NCLN: variants seen among roughly 807,000 people sequenced by gnomAD.
The protein encoded by NCLN is BOS complex subunit NCLN.
Under a neutral mutation model 69.5 loss-of-function variants are expected in NCLN, and 34 were observed. The observed-to-expected ratio is 0.49, with a 90% CI of 0.37 to 0.65. The LOEUF is 0.65. Ranked by LOEUF, NCLN falls within the 30% of genes least tolerant of loss-of-function variation. The pLI is 0.00. For missense variants in NCLN, 710 were observed against 804.8 expected (o/e 0.88, Z 1.42); for synonymous variants, 393 against 358.3 (o/e 1.10, Z -1.09).
Position 3,186,035 on chromosome 19 carries a change from TG to T in NCLN, c.7del (p.Glu3ArgfsTer11). On this transcript the variant is annotated frameshift_variant, in exon 1 of 15. Transcript: ENST00000246117. LOFTEE classifies it high-confidence loss of function. ...GCGGCCCCGCCGCCGGCCAGGATGC[TG>T]GAGGAAGCGGGCGAGGTGCTGGAGA... MLEEAGEVLENM... is the reference protein window; with the variant it reads MXEEAGEVLENM... The T allele has an allele frequency of 6.4e-7, 1 of 1,572,260 alleles. No individual in the cohort carries two copies.
intron 9 of NCLN, among the ~76,000 whole-genome samples, chr19:3,204,985 AC>A (rs1916228800): frequency 6.6e-6 from 1 of 151,918 alleles, no homozygotes; most frequent in Non-Finnish European, 1.5e-5. Flanking sequence ...CCCATATAGG[AC>A]CCCCAGACCC....
intron 8 of NCLN, 106 bp downstream of exon 8, chr19:3,204,250 CT>C: frequency 1.5e-6 from 2 of 1,305,174 alleles, no homozygotes; most frequent in Non-Finnish European, 2.0e-6. Context: ...GCCCCTCAGG[CT>C]CTGAGGGCCA....
At chr19:3,199,740 C>A in intron 5 of NCLN, among the ~76,000 whole-genome samples, 1 of 132,236 alleles carries the variant, frequency 7.6e-6, no homozygotes, top group Non-Finnish European at 1.5e-5. Flanking sequence ...TTGCTCTGTC[C>A]CCCAGGCTGG....
intron 3 of NCLN, among the ~76,000 whole-genome samples, chr19:3,194,404 TAC>T (rs1422947938): frequency 6.6e-6 from 1 of 152,122 alleles, no homozygotes; most frequent in African/African-American, 2.4e-5. Flanking sequence ...AGTTTCATCC[TAC>T]ACAGCCAGAT....
chr19:3,188,569 T>G (rs1241056740), intron 1 of NCLN, among the ~76,000 whole-genome samples: 1 of 152,186 alleles, frequency 6.6e-6, no homozygotes, highest in Non-Finnish European at 1.5e-5. Flanking sequence ...TTTCTCTCTT[T>G]CCTCGCTTCT....
chr19:3,191,874 C>T (rs182531765), intron 1 of NCLN, among the ~76,000 whole-genome samples: 2 of 152,196 alleles, frequency 1.3e-5, no homozygotes, highest in East Asian at 3.9e-4. Context: ...TGGGTTTCTC[C>T]CAGGAGAAGG....
At chr19:3,199,803 C>T (rs1380506826) in intron 5 of NCLN, among the ~76,000 whole-genome samples, 3 of 145,768 alleles carry the variant, frequency 2.1e-5, no homozygotes, top group East Asian at 2.1e-4. Flanking sequence ...TGGGTTTAAG[C>T]GATTCTCCTG....
chr19:3,206,373 C>T lies in NCLN; in HGVS notation c.1447C>T (p.Leu483=), dbSNP rs35482896. The stretch of plus-strand genomic sequence containing the variant: ...CTTCCTCAGCACGCTGGAGCACCAC[C>T]TGAGCCGCTACCTGAAGGACGTGAA... ...STFLSTLEHH[L]SRYLKDVKQH... Residue 483 remains leucine, a synonymous_variant, in exon 12 of 15, where the codon CTG becomes TTG. Coordinates refer to ENST00000246117, the MANE Select transcript of NCLN (RefSeq NM_020170.4). 1.3e-6 allele frequency: 2 copies of T among 1,548,302 alleles called. No individual in the cohort carries two copies. The highest frequency in any genetic ancestry group is 4.9e-5 in the East Asian group (2 of 40,926).
At chr19:3,196,806 A>C (rs1459804696) in intron 4 of NCLN, among the ~76,000 whole-genome samples, 2 of 152,238 alleles carry the variant, frequency 1.3e-5, no homozygotes, top group Non-Finnish European at 2.9e-5. Flanking sequence ...CTGCTGCAGC[A>C]CTGGCAGGGG....
At chr19:3,190,394 C>T (rs1915787935) in intron 1 of NCLN, among the ~76,000 whole-genome samples, 1 of 152,192 alleles carries the variant, frequency 6.6e-6, no homozygotes, top group South Asian at 2.1e-4. Flanking sequence ...CCCGCCCATT[C>T]CCACCTGAGA....
intron 3 of NCLN, 132 bp from the exon 4 acceptor site, chr19:3,196,051 C>A: frequency 1.9e-6 from 1 of 532,124 alleles, no homozygotes; most frequent in Non-Finnish European, 3.4e-6. Context: ...GTATCGAAAT[C>A]TGCTGGTCAC....
Position 3,207,613 on chromosome 19 carries a change from C to T in NCLN, c.1633-16C>T, listed in dbSNP as rs114097471. On this transcript the variant is annotated splice_polypyrimidine_tract_variant and intron_variant, in intron 14 of 14. Coordinates refer to ENST00000246117, the MANE Select transcript of NCLN (RefSeq NM_020170.4). ...GGCCCCGCCCACATCCTCACTCCCTCCTGCTGTGTCCCCAGCACTTCAGCC... is the reference window on the plus strand; with the variant it reads ...GGCCCCGCCCACATCCTCACTCCCTTCTGCTGTGTCCCCAGCACTTCAGCC... The T allele has an allele frequency of 1.9e-6, 3 of 1,612,710 alleles. No homozygotes were observed. In the African/African-American group the frequency reaches 4.0e-5, roughly 21 times the overall value.
At chr19:3,204,773 C>T (rs760537885) in intron 9 of NCLN, 22 bp downstream of exon 9, 22 of 1,444,236 alleles carry the variant, frequency 1.5e-5, no homozygotes, top group Middle Eastern at 4.5e-4. Flanking sequence ...AGCACCTGCC[C>T]GGCCCCTCCT....
intron 3 of NCLN, among the ~76,000 whole-genome samples, chr19:3,195,841 G>A (rs912801808): frequency 2.0e-5 from 3 of 152,142 alleles, no homozygotes; most frequent in Admixed American, 1.3e-4. Flanking sequence ...ACAGAAGTGC[G>A]GACTCAAAGT....
intron 1 of NCLN, among the ~76,000 whole-genome samples, chr19:3,190,973 G>T (rs1915806518): frequency 6.6e-6 from 1 of 152,266 alleles, no homozygotes; most frequent in South Asian, 2.1e-4. Flanking sequence ...GCTCTCCAGG[G>T]TCTTTCCAGG....
chr19:3,202,794 C>G (rs916174027), intron 6 of NCLN, among the ~76,000 whole-genome samples: 2 of 152,080 alleles, frequency 1.3e-5, no homozygotes, highest in Non-Finnish European at 2.9e-5. Context: ...CCCAGCCCCC[C>G]ACTGATGCCT....
intron 3 of NCLN, among the ~76,000 whole-genome samples, 195 bp from the exon 4 acceptor site, chr19:3,195,988 A>G (rs1232217428): frequency 1.3e-5 from 2 of 152,082 alleles, no homozygotes; most frequent in African/African-American, 2.4e-5. Flanking sequence ...CAGAAAGGAG[A>G]TGTGAATAAT....
At chr19:3,195,182 G>GAA (rs57369430) in intron 3 of NCLN, among the ~76,000 whole-genome samples, 3 of 143,862 alleles carry the variant, frequency 2.1e-5, no homozygotes, top group African/African-American at 2.6e-5. Context: ...ACTCCGACTT[G>GAA]AAAAAAAAAA....
intron 6 of NCLN, among the ~76,000 whole-genome samples, chr19:3,203,257 G>A (rs577021219): frequency 7.2e-5 from 11 of 151,874 alleles, no homozygotes; most frequent in Admixed American, 2.0e-4. Flanking sequence ...GCAGTGAGCC[G>A]AGACTGCACC....
Sources: gnomAD v4.1 joint callset for allele counts (sites outside exome capture counted in the v4.1 genomes callset) on GRCh38, gnomAD v4.1.1 for gene constraint, MANE v1.5 for transcripts, NCBI Gene and HGNC (gene_info 2026-07-23, HGNC 2026-07-21) for gene names.